Variants in MAP3K3 observed in about 807,000 individuals in gnomAD.
MAP3K3 encodes mitogen-activated protein kinase kinase kinase 3.
A neutral mutation model predicts 80.9 loss-of-function variants in MAP3K3; 12 were observed. That is an observed-to-expected ratio of 0.15 (90% CI 0.10 to 0.24). MAP3K3 has a LOEUF of 0.24. Ranked by LOEUF, MAP3K3 falls within the 10% of genes least tolerant of loss-of-function variation. The pLI, the probability that MAP3K3 is intolerant of heterozygous loss-of-function variation, is 1.00. For synonymous variants in MAP3K3, 272 were observed against 307.1 expected, an observed-to-expected ratio of 0.89 and a Z score of 1.19; for missense variants, 596 against 834.7, an observed-to-expected ratio of 0.71 and a Z score of 3.52.
intron 6 of MAP3K3, among the ~76,000 whole-genome samples, chr17:63,676,686 A>T (rs2035226036): frequency 6.6e-6 from 1 of 152,176 alleles, no homozygotes; most frequent in African/African-American, 2.4e-5. Flanking sequence ...GAAGAAAGAG[A>T]AGCAGCCTCT....
chr17:63,668,781 G>A (rs535423169), intron 6 of MAP3K3, among the ~76,000 whole-genome samples: 53 of 152,282 alleles, frequency 3.5e-4, no homozygotes, highest in African/African-American at 1.2e-3. Context: ...TGGGCAACAC[G>A]GCCTCTTAGC....
chr17:63,641,311 C>T (rs986430482), intron 2 of MAP3K3, among the ~76,000 whole-genome samples: 7 of 150,884 alleles, frequency 4.6e-5, no homozygotes, highest in Non-Finnish European at 8.8e-5. Context: ...GGCGTGATCT[C>T]GGCTTGCTGC....
chr17:63,685,618 TA>T, intron 8 of MAP3K3, 28 bp downstream of exon 8: 1 of 1,600,072 alleles, frequency 6.2e-7, no homozygotes, highest in Non-Finnish European at 8.6e-7. Context: ...GTTTGGAGGG[TA>T]ATGCATAGGC....
chr17:63,658,528 A>G (rs937346120), intron 5 of MAP3K3, among the ~76,000 whole-genome samples: 5 of 152,136 alleles, frequency 3.3e-5, no homozygotes, highest in Non-Finnish European at 5.9e-5. Flanking sequence ...AATGCTTGCA[A>G]TCTGTATCTG....
chr17:63,623,674 T>TG (rs1239399292), intron 1 of MAP3K3, among the ~76,000 whole-genome samples: 4 of 152,260 alleles, frequency 2.6e-5, no homozygotes, highest in Admixed American at 1.3e-4. Context: ...AAATGACTAC[T>TG]GGACTAGACT....
rs1568154238 is a variant in MAP3K3, at chr17:63,688,826, T to C, written c.816T>C (p.Gly272=). ...ETQLYDKGVK[G]GTYPRRYHVS... ...AGCTTTATGACAAAGGGGTCAAAGG[T>C]GGAACCTACCCCCGGCGCTACCACG... is the stretch of plus-strand genomic sequence containing the variant. The change falls in exon 10 of 16, where the codon GGT becomes GGC. Residue 272 remains glycine, a synonymous_variant. Coordinates refer to ENST00000361733, the MANE Select transcript of MAP3K3 (RefSeq NM_002401.5). 2 of 1,614,022 alleles carry C rather than the reference T, an allele frequency of 1.2e-6. No homozygotes were observed. Among genetic ancestry groups the C allele is most frequent in the South Asian group, 1.1e-5 (1 of 91,070 alleles).
chr17:63,629,124 TTTG>T (rs1416867212), intron 1 of MAP3K3, among the ~76,000 whole-genome samples: 3 of 152,058 alleles, frequency 2.0e-5, no homozygotes, highest in Admixed American at 2.0e-4. Flanking sequence ...AAAGTTGTTA[TTTG>T]TTGTTTTTTT....
At chr17:63,664,945 AATATTAC>A (rs1263900881) in intron 5 of MAP3K3, among the ~76,000 whole-genome samples, 1 of 152,042 alleles carries the variant, frequency 6.6e-6, no homozygotes, top group Non-Finnish European at 1.5e-5. Flanking sequence ...AATTTGGCTG[AATATTAC>A]AAAATGTCAG....
intron 5 of MAP3K3, among the ~76,000 whole-genome samples, chr17:63,658,813 C>G (rs954641356): frequency 6.6e-5 from 10 of 151,270 alleles, no homozygotes; most frequent in Non-Finnish European, 1.0e-4. Context: ...TAGCTCACTG[C>G]AGCCTCCGCC....
intron 8 of MAP3K3, among the ~76,000 whole-genome samples, chr17:63,687,755 C>A (rs71377703): frequency 6.7e-6 from 1 of 149,606 alleles, no homozygotes; most frequent in African/African-American, 2.5e-5. Flanking sequence ...TTTGGGAGGC[C>A]GAGGCGGGTG....
chr17:63,680,669 C>T (rs1334704755), intron 6 of MAP3K3, among the ~76,000 whole-genome samples: 1 of 152,164 alleles, frequency 6.6e-6, no homozygotes, highest in African/African-American at 2.4e-5. Flanking sequence ...TGTAAGACTG[C>T]ACACCTCTGT....
chr17:63,690,249 TCTG>T lies in MAP3K3; in HGVS notation c.1064-12_1064-10del, dbSNP rs1446983721. ...AATGTACACAAAGTAACTCTTTCCT[TCTG>T]CTCTCCTGTAGCTCCCAGTGCCCCC... On this transcript the variant is annotated splice_polypyrimidine_tract_variant and intron_variant, in intron 11 of 15. Coordinates refer to ENST00000361733, the MANE Select transcript of MAP3K3 (RefSeq NM_002401.5). The T allele has an allele frequency of 1.2e-6, 2 of 1,610,054 alleles. No individual in the cohort carries two copies. The highest frequency in any genetic ancestry group is 2.2e-5 in the East Asian group (1 of 44,870).
chr17:63,651,359 G>A (rs1437752532), intron 3 of MAP3K3, among the ~76,000 whole-genome samples: 3 of 152,092 alleles, frequency 2.0e-5, no homozygotes, highest in East Asian at 3.9e-4. Context: ...AGTAGTCCCA[G>A]CTACTTGGGA....
At chr17:63,642,556 G>A (rs1160141407) in intron 2 of MAP3K3, among the ~76,000 whole-genome samples, 1 of 152,058 alleles carries the variant, frequency 6.6e-6, no homozygotes, top group South Asian at 2.1e-4. Context: ...TACTTGGGAG[G>A]CTGAGGCAGG....
chr17:63,633,142 C>T lies in MAP3K3; in HGVS notation c.126+340C>T, dbSNP rs564721443. Among the ~76,000 whole-genome samples, 29 of 151,778 alleles carry T rather than the reference C, an allele frequency of 1.9e-4. No individual in the cohort carries two copies. In the South Asian group the frequency reaches 4.6e-3, roughly 24 times the overall value. ...ACTCAGGAAGCTGAGACAGGAGAAT[C>T]GCTTGAACCTGGAAGGCAAAGGCTG... On this transcript the variant is annotated intron_variant, in intron 2 of 15. Coordinates refer to ENST00000361733, the MANE Select transcript of MAP3K3 (RefSeq NM_002401.5).
At chr17:63,657,281 CAGAA>C (rs2034790420) in intron 4 of MAP3K3, among the ~76,000 whole-genome samples, 1 of 152,008 alleles carries the variant, frequency 6.6e-6, no homozygotes, top group African/African-American at 2.4e-5. Context: ...CAGCTCTTCT[CAGAA>C]AGTATCTCAC....
chr17:63,679,304 G>A (rs1344294594), intron 6 of MAP3K3, among the ~76,000 whole-genome samples: 1 of 152,226 alleles, frequency 6.6e-6, no homozygotes, highest in Non-Finnish European at 1.5e-5. Flanking sequence ...GAAATAGTGG[G>A]AGTCTCTCTG....
In MAP3K3 at chr17:63,692,431, G is replaced by A; in HGVS notation, c.1652+12G>A. On this transcript the variant is annotated intron_variant, in intron 15 of 15. Transcript: ENST00000361733. This position sits in a 1 kb window ranked among gnomAD's most constrained non-coding sequence, Gnocchi z 4.5. ...AAAGCAGACGTGTGGTGAGCACTGGGACATGCAGAACCCATTCTTCCACCC... is the reference window on the plus strand; with the variant it reads ...AAAGCAGACGTGTGGTGAGCACTGGAACATGCAGAACCCATTCTTCCACCC... 2 of 1,594,548 alleles carry A rather than the reference G, an allele frequency of 1.3e-6. No homozygotes were observed. The highest frequency in any genetic ancestry group is 1.1e-5 in the South Asian group (1 of 89,996).
Position 63,663,971 on chromosome 17 carries a change from G to A in MAP3K3, c.382-2969G>A, listed in dbSNP as rs185981737. Among the ~76,000 whole-genome samples, 866 of 152,196 alleles carry A rather than the reference G, an allele frequency of 5.7e-3. 7 individuals are homozygous for A. Among genetic ancestry groups the A allele is most frequent in the African/African-American group, 0.02 (812 of 41,510 alleles). ...TTAAAAAGGGCTTTAGGCCGGGCGC[G>A]GTGGCTCACGCCTGTAATCCCAGCA... On this transcript the variant is annotated intron_variant, in intron 5 of 15. Coordinates refer to ENST00000361733, the MANE Select transcript of MAP3K3 (RefSeq NM_002401.5).
Sources: gnomAD v4.1 joint callset for allele counts (sites outside exome capture counted in the v4.1 genomes callset) on GRCh38, gnomAD v4.1.1 for gene constraint, Gnocchi (gnomAD v3.1) non-coding constraint, MANE v1.5 for transcripts, NCBI Gene and HGNC (gene_info 2026-07-23, HGNC 2026-07-21) for gene names.